Variants in SLC44A2 observed in about 807,000 individuals in gnomAD.
SLC44A2 encodes the protein solute carrier family 44 member 2 (CTL2 blood group), also known as choline transporter-like protein 2.
Under a neutral mutation model 90.8 loss-of-function variants are expected in SLC44A2, and 57 were observed. That is an observed-to-expected ratio of 0.63 (90% CI 0.51 to 0.78). The LOEUF (loss-of-function observed/expected upper bound fraction) is 0.78. Ranked by LOEUF, SLC44A2 falls within the 30% of genes least tolerant of loss-of-function variation. The probability of loss-of-function intolerance (pLI) is 0.00; values close to 1 mark genes in which losing one functional copy is unlikely to be tolerated. For synonymous variants in SLC44A2, 355 were observed against 360.7 expected, an observed-to-expected ratio of 0.98 and a Z score of 0.18; for missense variants, 794 against 919.7, an observed-to-expected ratio of 0.86 and a Z score of 1.77.
At chr19:10,636,793 CG>C in intron 16 of SLC44A2, 37 bp downstream of exon 16, 1 of 1,587,410 alleles carries the variant, frequency 6.3e-7, no homozygotes, top group Non-Finnish European at 8.6e-7. Flanking sequence ...GCTCCTGTTG[CG>C]GGGCGAGGCT....
chr19:10,635,302 A>T (rs751418563), intron 13 of SLC44A2, 47 bp downstream of exon 13: 1 of 1,610,334 alleles, frequency 6.2e-7, no homozygotes, highest in South Asian at 1.1e-5. Flanking sequence ...ATGGCTAAAG[A>T]CCAACTTTGC....
Position 10,635,484 on chromosome 19 carries a change from G to A in SLC44A2, c.1202G>A (p.Cys401Tyr). The change falls in exon 14 of 22, where the codon TGC becomes TAC. Residue 401 changes from cysteine (C) to tyrosine (Y), a missense_variant. Around this residue, in one of 3 missense-constraint regions of SLC44A2, gnomAD observed 738 missense variants for 841.1 expected, o/e 0.88. Transcript: ENST00000335757. ...TATAAGATCTTTGATGACAGCCCCTGCCCATTTACTGCGAAAACCTGCAAC... is the reference window on the plus strand; with the variant it reads ...TATAAGATCTTTGATGACAGCCCCTACCCATTTACTGCGAAAACCTGCAAC... ...AVYKIFDDSP[C>Y]PFTAKTCNPE... 1 of 1,613,920 alleles carries A rather than the reference G, an allele frequency of 6.2e-7. No homozygotes were observed. Among genetic ancestry groups the A allele is most frequent in the Non-Finnish European group, 8.5e-7 (1 of 1,179,992 alleles).
rs1325136087 is a variant in SLC44A2 at position 10,642,859 on chromosome 19, C to A, written c.2014+408C>A. 5 of 1,545,812 alleles carry A rather than the reference C, an allele frequency of 3.2e-6. No individual in the cohort carries two copies. The Admixed American group carries it at 8.0e-5, about 25-fold the overall frequency. On this transcript the variant is annotated intron_variant, in intron 21 of 21. Coordinates refer to ENST00000335757, the MANE Select transcript of SLC44A2 (RefSeq NM_020428.4). The stretch of plus-strand genomic sequence containing the variant: ...CCCTCTTTCCCTCCCTTCCCGACCA[C>A]CCCATTTTCCCCCTGCCGGTTCCCG...
chr19:10,642,151 C>T (rs1291925478), intron 20 of SLC44A2, among the ~76,000 whole-genome samples: 8 of 145,958 alleles, frequency 5.5e-5, no homozygotes, highest in African/African-American at 1.5e-4. Flanking sequence ...AGTGAGATTC[C>T]GTCTCAAAAA....
At position 10,635,149 on chromosome 19, in the gene SLC44A2, C is replaced by CT; in HGVS notation, c.1056-13dup. 1 of 1,613,954 alleles carries CT rather than the reference C, an allele frequency of 6.2e-7. No individual in the cohort carries two copies. The highest frequency in any genetic ancestry group is 8.5e-7 in the Non-Finnish European group (1 of 1,179,976). On this transcript the variant is annotated splice_polypyrimidine_tract_variant and intron_variant, in intron 12 of 21. Transcript: ENST00000335757. ...GTCTTTTGCCCTGACGCCTGTGTCTCTGCTCTTCCCTAGGGCTGTGGGATA... is the reference window on the plus strand; with the variant it reads ...GTCTTTTGCCCTGACGCCTGTGTCTCTTGCTCTTCCCTAGGGCTGTGGGATA...
At chr19:10,634,327 G>A (rs2067030124) in intron 10 of SLC44A2, among the ~76,000 whole-genome samples, 1 of 151,558 alleles carries the variant, frequency 6.6e-6, no homozygotes, top group South Asian at 2.1e-4. Context: ...AGCCGGGCAT[G>A]GTGGCGCATG....
At chr19:10,611,447 A>G (rs1240967454) in intron 1 of SLC44A2, among the ~76,000 whole-genome samples, 1 of 151,856 alleles carries the variant, frequency 6.6e-6, no homozygotes, top group African/African-American at 2.4e-5. Context: ...GTGAGACACT[A>G]TTTCAAAAAA....
chr19:10,610,624 C>T (rs1483070105), intron 1 of SLC44A2, among the ~76,000 whole-genome samples: 4 of 129,854 alleles, frequency 3.1e-5, no homozygotes, highest in South Asian at 2.5e-4. Flanking sequence ...TGAGCCACCG[C>T]GCCTGGCTTT....
intron 1 of SLC44A2, among the ~76,000 whole-genome samples, chr19:10,607,036 C>T (rs372210714): frequency 2.0e-5 from 3 of 150,704 alleles, no homozygotes; most frequent in African/African-American, 7.3e-5. Flanking sequence ...CTCAGCCTCC[C>T]GAGTAGCTGG....
chr19:10,611,072 G>A (rs546884513), intron 1 of SLC44A2, among the ~76,000 whole-genome samples: 4 of 151,928 alleles, frequency 2.6e-5, no homozygotes, highest in Non-Finnish European at 5.9e-5. Context: ...TGAATTCCCC[G>A]GCTGAAGCGA....
chr19:10,628,008 A>T lies in SLC44A2; in HGVS notation c.245+4A>T, dbSNP rs376128442. 6.2e-7 allele frequency: 1 copy of T among 1,612,144 alleles called. No homozygotes were observed. Among genetic ancestry groups the T allele is most frequent in the Non-Finnish European group, 8.5e-7 (1 of 1,178,986 alleles). On this transcript the variant is annotated splice_donor_region_variant and intron_variant, in intron 4 of 21. Coordinates refer to ENST00000335757, the MANE Select transcript of SLC44A2 (RefSeq NM_020428.4). ...GGCAGAAGGGCACAAAAAACGAGTG[A>T]GTTGACTCCTTGCGGCCTGGTGGGG...
At position 10,631,380 on chromosome 19, in the gene SLC44A2, A is replaced by G. The variant is rs1440369405; in HGVS notation, c.436A>G (p.Asn146Asp). The change falls in exon 6 of 22, where the codon AAT (asparagine) becomes GAT (aspartate). Residue 146 changes from asparagine to aspartate, a missense_variant. Asn to Asp is a conservative substitution (Grantham distance 23, BLOSUM62 1). This residue lies in a region of SLC44A2 where 738 missense variants were observed against 841.1 expected (regional missense o/e 0.88). Transcript: ENST00000335757. ...GTTCTGTGTTCCTGGCTTCAAGAACAATAAAGTGAGTTGTAGACTGTCCTG... is the reference window on the plus strand; with the variant it reads ...GTTCTGTGTTCCTGGCTTCAAGAACGATAAAGTGAGTTGTAGACTGTCCTG... Reference protein sequence around the residue: ...KQFCVPGFKNNKGVAEVLQDG... With the variant: ...KQFCVPGFKNDKGVAEVLQDG... 6.2e-7 allele frequency: 1 copy of G among 1,614,060 alleles called. No homozygotes were observed. The highest frequency in any genetic ancestry group is 8.5e-7 in the Non-Finnish European group (1 of 1,180,040).
intron 20 of SLC44A2, among the ~76,000 whole-genome samples, chr19:10,639,348 GT>G (rs533362455): frequency 3.3e-5 from 5 of 152,166 alleles, no homozygotes; most frequent in Non-Finnish European, 7.3e-5. Flanking sequence ...AATGATATTG[GT>G]GAATGTATGA....
intron 14 of SLC44A2, chr19:10,635,774 T>A: frequency 2.0e-5 from 2 of 99,650 alleles, no homozygotes; most frequent in Admixed American, 9.4e-5. Flanking sequence ...CCCTACTTCC[T>A]TTTTTTTTTT....
intron 10 of SLC44A2, among the ~76,000 whole-genome samples, chr19:10,633,069 G>A (rs1222052499): frequency 1.3e-5 from 2 of 152,132 alleles, no homozygotes; most frequent in East Asian, 3.9e-4. Flanking sequence ...TATGGGTAGG[G>A]GCCTGTTTAG....
In SLC44A2 at chr19:10,612,697, C is replaced by T. The variant is rs1392580056; in HGVS notation, c.31+10136C>T. On this transcript the variant is annotated intron_variant, in intron 1 of 21. Coordinates refer to the SLC44A2 transcript ENST00000407327. ...GGCATTTGATGTCCTGGCACCAGCACTGTGACTGGGCAGGCTGTGGCAGTT... is the reference window on the plus strand; with the variant it reads ...GGCATTTGATGTCCTGGCACCAGCATTGTGACTGGGCAGGCTGTGGCAGTT... 2.0e-5 allele frequency among the ~76,000 whole-genome samples: 3 copies of T among 152,232 alleles called. No individual in the cohort carries two copies. In the East Asian group the frequency reaches 5.8e-4, roughly 29 times the overall value.
At chr19:10,619,959 A>G (rs1247835883) in intron 1 of SLC44A2, among the ~76,000 whole-genome samples, 1 of 152,040 alleles carries the variant, frequency 6.6e-6, no homozygotes. Flanking sequence ...CGTCTCAAAA[A>G]AAATCTGCAA....
At chr19:10,603,661 C>A (rs1255105276) in intron 1 of SLC44A2, among the ~76,000 whole-genome samples, 2 of 152,216 alleles carry the variant, frequency 1.3e-5, no homozygotes, top group Non-Finnish European at 2.9e-5. Context: ...ACCTGGCCAC[C>A]TCCCAGCACC....
At chr19:10,607,495 T>A (rs1918142894) in intron 1 of SLC44A2, among the ~76,000 whole-genome samples, 1 of 149,356 alleles carries the variant, frequency 6.7e-6, no homozygotes, top group Non-Finnish European at 1.5e-5. Flanking sequence ...AGACTACGGG[T>A]GTGTGCCGTG....
Sources: allele counts gnomAD v4.1 joint callset (sites outside exome capture counted in the v4.1 genomes callset), GRCh38; gene constraint gnomAD v4.1.1; regional missense constraint gnomAD v4.1.1; transcripts MANE v1.5; gene names NCBI Gene and HGNC (gene_info 2026-07-23, HGNC 2026-07-21).